The following LPP variants were observed in gnomAD, a reference collection of about 807,000 sequenced individuals.
LPP encodes LIM domain containing preferred translocation partner in lipoma, also known as lipoma-preferred partner.
LPP carries 38 observed loss-of-function variants against 60.4 expected under a neutral mutation model. The observed-to-expected ratio is 0.63, with a 90% CI of 0.49 to 0.83. The LOEUF (loss-of-function observed/expected upper bound fraction) is 0.83. Among genes scored for constraint, LPP ranks in the 40% least tolerant of loss-of-function variants. LPP has a pLI of 0.00. For missense variants in LPP, 902 were observed against 783.6 expected (o/e 1.15, Z -1.80); for synonymous variants, 328 against 290.8 (o/e 1.13, Z -1.30).
At position 188,866,330 on chromosome 3, in the gene LPP, T is replaced by G. The variant is rs756943851; in HGVS notation, c.1541T>G (p.Phe514Cys). ...MCHRSLDGIP[F>C]TVDAGGLIHC... ...CACCGCAGCCTGGATGGGATCCCAT[T>G]CACTGTGGATGCTGGCGGGCTCATT... Residue 514 changes from phenylalanine (F) to cysteine (C), a missense_variant, in exon 10 of 12, where the codon TTC becomes TGC. Physicochemically the swap from Phe to Cys is radical, Grantham distance 205. Transcript: ENST00000617246. 1 of 1,580,926 alleles carries G rather than the reference T, an allele frequency of 6.3e-7. No homozygotes were observed. The highest frequency in any genetic ancestry group is 8.6e-7 in the Non-Finnish European group (1 of 1,162,188).
chr3:188,323,469 C>A (rs1194651721), intron 2 of LPP, among the ~76,000 whole-genome samples: 1 of 152,178 alleles, frequency 6.6e-6, no homozygotes, highest in African/African-American at 2.4e-5. Context: ...GTGTAGACAG[C>A]CACTTATTTT....
At chr3:188,336,805 C>T (rs1365908758) in intron 2 of LPP, among the ~76,000 whole-genome samples, 7 of 152,238 alleles carry the variant, frequency 4.6e-5, no homozygotes, top group Non-Finnish European at 5.9e-5. Context: ...GCTCAGTTTT[C>T]CAAGGATGTG....
chr3:188,454,807 C>T (rs1443309757), intron 4 of LPP, among the ~76,000 whole-genome samples: 1 of 152,128 alleles, frequency 6.6e-6, no homozygotes, highest in African/African-American at 2.4e-5. Flanking sequence ...GGACCATCTC[C>T]ATGATTCACA....
At chr3:188,269,155 A>C (rs913988854) in intron 2 of LPP, among the ~76,000 whole-genome samples, 2 of 152,298 alleles carry the variant, frequency 1.3e-5, no homozygotes, top group South Asian at 4.1e-4. Flanking sequence ...ACATACTGTT[A>C]AGGGTTAATA....
intron 3 of LPP, among the ~76,000 whole-genome samples, chr3:188,405,755 T>A (rs1783312500): frequency 6.6e-6 from 1 of 152,186 alleles, no homozygotes; most frequent in Admixed American, 6.5e-5. Context: ...AAAATCTCCT[T>A]CAAGTTAGGA....
rs958603797 is a variant in LPP, at chr3:188,861,040, G to T, written c.1411-5160G>T. Among the ~76,000 whole-genome samples, 4 of 152,204 alleles carry T rather than the reference G, an allele frequency of 2.6e-5. No homozygotes were observed. In the South Asian group the frequency reaches 8.3e-4, roughly 31 times the overall value. ...ATACCTTAGTTTCTTGAATCCAGCA[G>T]TTGGACTAGAATCATGGTTTTCAGA... On this transcript the variant is annotated intron_variant, in intron 9 of 11. Coordinates refer to ENST00000617246, the MANE Select transcript of LPP (RefSeq NM_001375462.1).
intron 6 of LPP, among the ~76,000 whole-genome samples, chr3:188,546,424 G>T (rs1190903176): frequency 6.6e-6 from 1 of 152,084 alleles, no homozygotes; most frequent in African/African-American, 2.4e-5. Context: ...ACATGCAGGA[G>T]TATCATTACC....
chr3:188,731,025 T>C (rs1720263194), intron 8 of LPP, among the ~76,000 whole-genome samples: 1 of 152,228 alleles, frequency 6.6e-6, no homozygotes, highest in Admixed American at 6.5e-5. Context: ...ACTCTTCCTA[T>C]CTCAAAACTC....
intron 4 of LPP, among the ~76,000 whole-genome samples, chr3:188,407,696 G>A (rs889947126): frequency 4.6e-5 from 7 of 151,694 alleles, no homozygotes; most frequent in Admixed American, 4.6e-4. Flanking sequence ...TTCAGGGCTT[G>A]GGAATGGGAT....
intron 4 of LPP, among the ~76,000 whole-genome samples, chr3:188,411,973 G>GTC (rs56025983): frequency 0.42 from 62,451 of 149,496 alleles, 13,181 homozygotes; most frequent in East Asian, 0.62. Context: ...CTCTTTCTCT[G>GTC]TCTCTCTCTC....
At chr3:188,292,873 C>T (rs1419220920) in intron 2 of LPP, among the ~76,000 whole-genome samples, 2 of 152,090 alleles carry the variant, frequency 1.3e-5, no homozygotes, top group African/African-American at 4.8e-5. Flanking sequence ...TTGAGGTCTA[C>T]GTCATCTGGT....
At chr3:188,244,415 C>T (rs778898448) in intron 2 of LPP, among the ~76,000 whole-genome samples, 2 of 152,174 alleles carry the variant, frequency 1.3e-5, no homozygotes, top group Non-Finnish European at 2.9e-5. Flanking sequence ...AGTGGTCCAA[C>T]TTGGGTTCTG....
chr3:188,264,904 G>A (rs1295212640), intron 2 of LPP, among the ~76,000 whole-genome samples: 3 of 152,064 alleles, frequency 2.0e-5, no homozygotes, highest in African/African-American at 7.2e-5. Flanking sequence ...AAAGTAAGCA[G>A]ATGATTTCAA....
intron 8 of LPP, among the ~76,000 whole-genome samples, chr3:188,732,709 C>T (rs1463289993): frequency 1.1e-5 from 1 of 93,694 alleles, no homozygotes; most frequent in East Asian, 2.7e-4. Flanking sequence ...CAGAGTGAGA[C>T]TCTTATCAAA....
intron 2 of LPP, among the ~76,000 whole-genome samples, chr3:188,323,255 A>G (rs529100500): frequency 5.8e-4 from 88 of 152,322 alleles, no homozygotes; most frequent in African/African-American, 1.9e-3. Flanking sequence ...TTGTCAGATC[A>G]GTGGAGCTGT....
chr3:188,825,595 G>A (rs1436291133), intron 9 of LPP, among the ~76,000 whole-genome samples: 1 of 151,902 alleles, frequency 6.6e-6, no homozygotes, highest in Non-Finnish European at 1.5e-5. Context: ...GTAATGGAAT[G>A]TGTATGTCTC....
intron 8 of LPP, among the ~76,000 whole-genome samples, chr3:188,742,613 C>T (rs1360616904): frequency 6.6e-6 from 1 of 152,012 alleles, no homozygotes; most frequent in Admixed American, 6.6e-5. Context: ...CAAAACTAAT[C>T]TATACTGACA....
intron 6 of LPP, among the ~76,000 whole-genome samples, chr3:188,563,123 C>T (rs1250757079): frequency 2.0e-5 from 3 of 151,956 alleles, no homozygotes; most frequent in Non-Finnish European, 2.9e-5. Context: ...GAGCCTCACT[C>T]TTGGTCCTGT....
rs779529041 is a variant in LPP, at chr3:188,756,646, T to C, written c.1241-3467T>C. The stretch of plus-strand genomic sequence containing the variant: ...TGTTTGTTCATGTGAAAAGGGAAGA[T>C]TCAGGTACCTTTTCTGTCCTACTGA... On this transcript the variant is annotated intron_variant, in intron 8 of 11. Coordinates refer to ENST00000617246, the MANE Select transcript of LPP (RefSeq NM_001375462.1). 5.3e-5 allele frequency among the ~76,000 whole-genome samples: 8 copies of C among 152,230 alleles called. No homozygotes were observed. In the East Asian group the frequency reaches 5.8e-4, roughly 11 times the overall value.
Sources: allele counts gnomAD v4.1 joint callset (sites outside exome capture counted in the v4.1 genomes callset), GRCh38; gene constraint gnomAD v4.1.1; transcripts MANE v1.5; gene names NCBI Gene and HGNC (gene_info 2026-07-23, HGNC 2026-07-21).